Variants in RIMS1 observed in about 807,000 individuals in gnomAD.
RIMS1 encodes regulating synaptic membrane exocytosis 1, also known as regulating synaptic membrane exocytosis protein 1.
In RIMS1, 83 loss-of-function variants were observed where a neutral mutation model predicts 214.1. That is an observed-to-expected ratio of 0.39 (90% confidence interval 0.32 to 0.47). RIMS1 has a LOEUF of 0.47. Among genes scored for constraint, RIMS1 ranks in the 20% least tolerant of loss-of-function variants. The pLI is 0.99. For missense variants in RIMS1, 2,050 were observed against 2,161.8 expected (o/e 0.95, Z 1.03); for synonymous variants, 793 against 786.8 (o/e 1.01, Z -0.13).
intron 2 of RIMS1, among the ~76,000 whole-genome samples, chr6:72,087,442 C>T (rs972780331): frequency 6.6e-6 from 1 of 152,152 alleles, no homozygotes; most frequent in African/African-American, 2.4e-5. Flanking sequence ...GGCAGAATTG[C>T]CCTTGTTTGA....
rs750795448 is a variant in RIMS1, at chr6:72,064,333, G to GAA, written c.246-32615_246-32614insAA. On this transcript the variant is annotated intron_variant, in intron 2 of 33. Coordinates refer to ENST00000521978, the MANE Select transcript of RIMS1 (RefSeq NM_014989.7). ...AACTCCATAGAAAGAAAGAAAGAAA[G>GAA]AGAGAGAGAGAGAGAGAGGGAAGGA... Among the ~76,000 whole-genome samples, 41 of 69,254 alleles carry GAA rather than the reference G, an allele frequency of 5.9e-4. 1 individual carries two copies. The highest frequency in any genetic ancestry group is 5.4e-3 in the Admixed American group (32 of 5,962). 45.4% of individuals were successfully genotyped at this position (69,254 alleles called of 152,430 possible). A position where few individuals can be genotyped will look rare whatever the true frequency, so the allele number is the denominator to read the frequency against.
At chr6:72,213,218 T>C in intron 6 of RIMS1, 4 of 1,536,314 alleles carry the variant, frequency 2.6e-6, no homozygotes, top group Non-Finnish European at 3.5e-6. Context: ...GACGAGCAGT[T>C]GCTGGTAAGC....
intron 28 of RIMS1, among the ~76,000 whole-genome samples, chr6:72,325,471 T>TA (rs2096412773): frequency 1.3e-5 from 2 of 150,980 alleles, no homozygotes; most frequent in Non-Finnish European, 3.0e-5. Flanking sequence ...ATATAATAAC[T>TA]ATTAGAATTA....
chr6:72,241,879 A>C (rs1474958716), intron 9 of RIMS1, among the ~76,000 whole-genome samples: 1 of 152,208 alleles, frequency 6.6e-6, no homozygotes, highest in African/African-American at 2.4e-5. Flanking sequence ...TCTTCCAAAA[A>C]TAAAACAGGA....
intron 1 of RIMS1, among the ~76,000 whole-genome samples, chr6:71,888,710 C>T (rs1768636421): frequency 6.6e-6 from 1 of 152,194 alleles, no homozygotes; most frequent in African/African-American, 2.4e-5. Context: ...TCCAGTCATT[C>T]CTGTTCTTTC....
At position 72,230,674 on chromosome 6, in the gene RIMS1, G is replaced by A. The variant is rs559119849; in HGVS notation, c.1679-3099G>A. ...ACATACTCTAATCATAATGACCTGGGTTTAGGAAACACTGGTTCTCTTTAG... is the reference window on the plus strand; with the variant it reads ...ACATACTCTAATCATAATGACCTGGATTTAGGAAACACTGGTTCTCTTTAG... On this transcript the variant is annotated intron_variant, in intron 6 of 33. Transcript: ENST00000521978. Among the ~76,000 whole-genome samples the A allele has an allele frequency of 1.7e-3, 260 of 151,552 alleles. 2 individuals are homozygous for A. The highest frequency in any genetic ancestry group is 6.2e-3 in the African/African-American group (255 of 41,428).
At chr6:72,356,919 C>T (rs2154378289) in intron 29 of RIMS1, among the ~76,000 whole-genome samples, 1 of 152,110 alleles carries the variant, frequency 6.6e-6, no homozygotes, top group South Asian at 2.1e-4. Context: ...TTCAAATATC[C>T]TCTGAAACAC....
At chr6:72,053,358 G>T (rs1333952688) in intron 2 of RIMS1, among the ~76,000 whole-genome samples, 1 of 152,076 alleles carries the variant, frequency 6.6e-6, no homozygotes, top group Non-Finnish European at 1.5e-5. Flanking sequence ...CAAATTTCTG[G>T]GAAAGAAAAC....
rs1474776367 is a variant in RIMS1, at chr6:72,250,994, T to G, written c.2446T>G (p.Ser816Ala). The G allele has an allele frequency of 5.1e-6, 8 of 1,560,776 alleles. No homozygotes were observed. The highest frequency in any genetic ancestry group is 6.9e-6 in the Non-Finnish European group (8 of 1,151,678). The stretch of plus-strand genomic sequence containing the variant: ...AAAATGGAATCAAACTTTTGTCTAT[T>G]CACATGTACATCGTAGAGATTTTAG... ...EPKWNQTFVY[S>A]HVHRRDFRER... The change falls in exon 14 of 34, where the codon TCA becomes GCA. Residue 816 changes from serine to alanine, a missense_variant. Physicochemically the swap from Ser to Ala is moderately conservative, Grantham distance 99. Around this residue, in one of 6 missense-constraint regions of RIMS1, gnomAD observed 889 missense variants for 885.5 expected, o/e 1.00. Coordinates refer to ENST00000521978, the MANE Select transcript of RIMS1 (RefSeq NM_014989.7).
At chr6:72,141,254 A>G (rs2042044587) in intron 4 of RIMS1, among the ~76,000 whole-genome samples, 1 of 152,068 alleles carries the variant, frequency 6.6e-6, no homozygotes, top group Admixed American at 6.6e-5. Context: ...GGGAGGGATA[A>G]TAAAAGCATC....
intron 1 of RIMS1, among the ~76,000 whole-genome samples, chr6:71,908,865 G>C (rs1248169554): frequency 6.6e-6 from 1 of 152,148 alleles, no homozygotes; most frequent in Non-Finnish European, 1.5e-5. Context: ...ATGAGTAAAA[G>C]TGTTTGTTTT....
chr6:72,006,657 A>ATAT (rs770047714), intron 2 of RIMS1, among the ~76,000 whole-genome samples: 10 of 152,156 alleles, frequency 6.6e-5, no homozygotes, highest in Non-Finnish European at 1.3e-4. Context: ...GTCTTAGCAA[A>ATAT]CGGCACACCA....
intron 6 of RIMS1, among the ~76,000 whole-genome samples, chr6:72,194,725 A>G (rs553847139): frequency 2.0e-5 from 3 of 152,264 alleles, no homozygotes; most frequent in African/African-American, 7.2e-5. Context: ...ATAATCTTTC[A>G]AATACAGTTT....
chr6:72,140,069 T>C (rs2041892465), intron 4 of RIMS1, among the ~76,000 whole-genome samples: 1 of 152,152 alleles, frequency 6.6e-6, no homozygotes, highest in Non-Finnish European at 1.5e-5. Flanking sequence ...GAAAGAAAAA[T>C]GTTCCTCATT....
chr6:71,968,301 G>A (rs563647415), intron 1 of RIMS1, among the ~76,000 whole-genome samples: 16 of 152,274 alleles, frequency 1.1e-4, no homozygotes, highest in African/African-American at 3.1e-4. Flanking sequence ...CTGCCCTTTG[G>A]AGCTTTGTTA....
intron 6 of RIMS1, among the ~76,000 whole-genome samples, chr6:72,209,342 T>C (rs1363659086): frequency 2.0e-5 from 3 of 152,196 alleles, no homozygotes; most frequent in African/African-American, 4.8e-5. Flanking sequence ...ATAAGAGGCA[T>C]TGAAGCCTTA....
At chr6:72,109,928 A>G (rs1587201465) in intron 4 of RIMS1, among the ~76,000 whole-genome samples, 1 of 152,134 alleles carries the variant, frequency 6.6e-6, no homozygotes, top group Middle Eastern at 3.2e-3. Context: ...ATGGCTAGCC[A>G]GTTTTCCCAG....
At chr6:72,114,002 G>A (rs1340403821) in intron 4 of RIMS1, among the ~76,000 whole-genome samples, 6 of 151,872 alleles carry the variant, frequency 4.0e-5, no homozygotes, top group African/African-American at 1.2e-4. Context: ...CTATAATTAT[G>A]TCAAATATCA....
chr6:72,100,049 A>T, intron 4 of RIMS1, 63 bp downstream of exon 4: 1 of 1,273,168 alleles, frequency 7.9e-7, no homozygotes, highest in Non-Finnish European at 1.1e-6. Context: ...TTATTAAGTG[A>T]ATGTTGCACC....
Sources: gnomAD v4.1 joint callset for allele counts (sites outside exome capture counted in the v4.1 genomes callset) on GRCh38, gnomAD v4.1.1 for gene constraint, gnomAD v4.1.1 regional missense constraint, MANE v1.5 for transcripts, NCBI Gene and HGNC (gene_info 2026-07-23, HGNC 2026-07-21) for gene names.